The following CDK14 variants were observed in gnomAD, a reference collection of about 807,000 sequenced individuals.
CDK14 encodes cyclin dependent kinase 14.
CDK14 carries 34 observed loss-of-function variants against 60.7 expected under a neutral mutation model. The ratio of observed to expected loss-of-function variants is 0.56; its 90% CI spans 0.43 to 0.75. The LOEUF (loss-of-function observed/expected upper bound fraction) is 0.75, where lower values mean the gene tolerates loss of function less well. Ranked by LOEUF, CDK14 falls within the 30% of genes least tolerant of loss-of-function variation. The pLI is 0.00. For missense variants in CDK14, 482 were observed against 564.1 expected (o/e 0.85, Z 1.47); for synonymous variants, 197 against 203.7 (o/e 0.97, Z 0.28).
intron 6 of CDK14, among the ~76,000 whole-genome samples, chr7:90,875,797 G>T (rs1367760193): frequency 6.6e-6 from 1 of 151,604 alleles, no homozygotes; most frequent in East Asian, 1.9e-4. Flanking sequence ...CAACATTAAT[G>T]ATCAAATTTC....
At chr7:90,917,203 A>G (rs1489783431) in intron 7 of CDK14, among the ~76,000 whole-genome samples, 2 of 152,190 alleles carry the variant, frequency 1.3e-5, no homozygotes, top group South Asian at 2.1e-4. Flanking sequence ...ATTGATATAA[A>G]CCCTTGGTAA....
chr7:90,863,090 C>T (rs1333463210), intron 5 of CDK14, 85 bp from the exon 6 acceptor site: 7 of 656,230 alleles, frequency 1.1e-5, no homozygotes, highest in Non-Finnish European at 1.9e-5. Flanking sequence ...TATCTCTCAT[C>T]TGACAGTGTG....
intron 4 of CDK14, among the ~76,000 whole-genome samples, chr7:90,752,701 A>C (rs1457065558): frequency 3.3e-5 from 5 of 152,134 alleles, no homozygotes; most frequent in Non-Finnish European, 5.9e-5. Flanking sequence ...AAATATATTA[A>C]AAATAAATGA....
chr7:90,660,029 T>C (rs947523175), intron 2 of CDK14, among the ~76,000 whole-genome samples: 2 of 152,128 alleles, frequency 1.3e-5, no homozygotes, highest in Non-Finnish European at 2.9e-5. Context: ...TAAAGTTAAA[T>C]AGCATTTTCT....
chr7:90,828,786 T>G (rs2117102599), intron 5 of CDK14, among the ~76,000 whole-genome samples: 1 of 152,312 alleles, frequency 6.6e-6, no homozygotes, highest in East Asian at 1.9e-4. Flanking sequence ...AGGTCTCTGT[T>G]GACACGTTAT....
intron 11 of CDK14, among the ~76,000 whole-genome samples, chr7:91,048,759 T>A (rs1433397511): frequency 6.6e-6 from 1 of 152,254 alleles, no homozygotes; most frequent in Non-Finnish European, 1.5e-5. Flanking sequence ...TGTGATGAGG[T>A]TGAGCATCTT....
intron 14 of CDK14, among the ~76,000 whole-genome samples, chr7:91,144,558 A>T (rs1414497010): frequency 6.6e-6 from 1 of 152,200 alleles, no homozygotes; most frequent in African/African-American, 2.4e-5. Flanking sequence ...TCCCTTATTT[A>T]TGTTGACACA....
chr7:90,709,377 T>C, intron 2 of CDK14: 2 of 1,368,448 alleles, frequency 1.5e-6, no homozygotes, highest in Non-Finnish European at 1.9e-6. Context: ...TCTTAAAAAA[T>C]TGAATTGAGC....
intron 10 of CDK14, among the ~76,000 whole-genome samples, chr7:90,996,148 G>A (rs1416895779): frequency 6.6e-6 from 1 of 152,158 alleles, no homozygotes; most frequent in Non-Finnish European, 1.5e-5. Flanking sequence ...CTAGTATCAG[G>A]TGACTATTAT....
intron 4 of CDK14, among the ~76,000 whole-genome samples, chr7:90,782,648 CCA>C (rs938209174): frequency 6.6e-6 from 1 of 152,012 alleles, no homozygotes; most frequent in Admixed American, 6.6e-5. Flanking sequence ...ATCCTTCACT[CCA>C]CACACAGGCT....
At chr7:91,185,641 CA>C (rs1802153629) in intron 14 of CDK14, among the ~76,000 whole-genome samples, 1 of 151,918 alleles carries the variant, frequency 6.6e-6, no homozygotes, top group Admixed American at 6.6e-5. Context: ...CTAGAGAGAG[CA>C]TAGAATTATT....
chr7:90,791,339 G>C, intron 5 of CDK14, among the ~76,000 whole-genome samples: 1 of 152,112 alleles, frequency 6.6e-6, no homozygotes, highest in South Asian at 2.1e-4. Flanking sequence ...TTTCAGTTCA[G>C]TTTAATAAGT....
chr7:90,746,012 G>C (rs1043452515), intron 3 of CDK14, among the ~76,000 whole-genome samples: 1 of 152,142 alleles, frequency 6.6e-6, no homozygotes, highest in African/African-American at 2.4e-5. Flanking sequence ...ACTCTAAGCT[G>C]TCTCCTGTGC....
At chr7:91,087,525 T>C (rs1269459454) in intron 12 of CDK14, among the ~76,000 whole-genome samples, 2 of 152,208 alleles carry the variant, frequency 1.3e-5, no homozygotes, top group Non-Finnish European at 2.9e-5. Flanking sequence ...CCTCAGCTTT[T>C]CAATTTGTAT....
intron 6 of CDK14, among the ~76,000 whole-genome samples, chr7:90,892,054 A>G (rs763428488): frequency 2.6e-5 from 4 of 152,192 alleles, no homozygotes; most frequent in Non-Finnish European, 4.4e-5. Context: ...GTTCTCCTAT[A>G]CTTGTTTCTG....
At chr7:90,673,137 A>T (rs1274827785) in intron 2 of CDK14, among the ~76,000 whole-genome samples, 1 of 152,198 alleles carries the variant, frequency 6.6e-6, no homozygotes, top group Admixed American at 6.5e-5. Context: ...TAGTTTCCTC[A>T]TACACAGTTC....
chr7:90,968,827 C>CA (rs3840667), intron 9 of CDK14, among the ~76,000 whole-genome samples: 209 of 148,156 alleles, frequency 1.4e-3, no homozygotes, highest in African/African-American at 3.1e-3. Flanking sequence ...TAACAGAAAA[C>CA]AAAAAAAAAA....
At chr7:90,916,044 G>A (rs1472077305) in intron 7 of CDK14, among the ~76,000 whole-genome samples, 2 of 152,144 alleles carry the variant, frequency 1.3e-5, no homozygotes, top group Non-Finnish European at 2.9e-5. Context: ...TTTGTTATGT[G>A]GTTTGCCTTC....
chr7:91,034,156 CTTTT>C (rs34848090), intron 10 of CDK14, among the ~76,000 whole-genome samples: 1 of 152,038 alleles, frequency 6.6e-6, no homozygotes, highest in Non-Finnish European at 1.5e-5. Context: ...AGGCTGAAAA[CTTTT>C]TTTAAAAAAA....
Sources: gnomAD v4.1 joint callset for allele counts (sites outside exome capture counted in the v4.1 genomes callset) on GRCh38, gnomAD v4.1.1 for gene constraint, MANE v1.5 for transcripts, NCBI Gene and HGNC (gene_info 2026-07-23, HGNC 2026-07-21) for gene names.